FBXO41: variants seen among roughly 807,000 people sequenced by gnomAD.
FBXO41 encodes the protein F-box only protein 41.
Under a neutral mutation model 81.6 loss-of-function variants are expected in FBXO41, and 33 were observed. The ratio of observed to expected loss-of-function variants is 0.40; its 90% CI spans 0.31 to 0.54. The LOEUF (loss-of-function observed/expected upper bound fraction) is 0.54. Ranked by LOEUF, FBXO41 falls within the 20% of genes least tolerant of loss-of-function variation. FBXO41 has a pLI of 0.39. For missense variants in FBXO41, 1,107 were observed against 1,236.0 expected, an observed-to-expected ratio of 0.90 and a Z score of 1.56; for synonymous variants, 576 against 552.7, an observed-to-expected ratio of 1.04 and a Z score of -0.59.
Position 73,265,920 on chromosome 2 carries a change from G to A in FBXO41, c.1178C>T (p.Ser393Leu). 1 of 1,587,884 alleles carries A rather than the reference G, an allele frequency of 6.3e-7. No homozygotes were observed. Among genetic ancestry groups the A allele is most frequent in the South Asian group, 1.2e-5 (1 of 86,626 alleles). ...TGTGCTCGGAGAGGAGCCATGCCGT[G>A]ACACTGCATATGTGTTAGGCACGGC... ...GPAVPNTYAV[S>L]RHGSSPSTGA... is the part of the protein sequence containing the mutation. Residue 393 changes from serine to leucine, a missense_variant, in exon 4 of 13, where the codon TCA (serine) becomes TTA (leucine). This residue lies in a region of FBXO41 where 771 missense variants were observed against 789.2 expected (regional missense o/e 0.98). Coordinates refer to ENST00000520530, the MANE Select transcript of FBXO41 (RefSeq NM_001371389.2).
intron 5 of FBXO41, 72 bp downstream of exon 5, chr2:73,265,210 A>AG: frequency 7.2e-7 from 1 of 1,389,008 alleles, no homozygotes. Flanking sequence ...GGGAAAGGGG[A>AG]GGGGGGTGCA....
chr2:73,276,237 C>T (rs977363045), intron 1 of FBXO41, among the ~76,000 whole-genome samples: 7 of 151,084 alleles, frequency 4.6e-5, no homozygotes, highest in Non-Finnish European at 8.8e-5. Context: ...GGGTGAAACC[C>T]CCTCTCTACT....
Position 73,264,979 on chromosome 2 carries a change from C to T in FBXO41, c.1564+303G>A, listed in dbSNP as rs558966251. Among the ~76,000 whole-genome samples the T allele has an allele frequency of 3.9e-5, 6 of 152,244 alleles. No individual in the cohort carries two copies. The East Asian group carries it at 5.8e-4, about 15-fold the overall frequency. On this transcript the variant is annotated intron_variant, in intron 5 of 12. Transcript: ENST00000520530. ...TCTGTGAATACGGTGGGGGGCCTCT[C>T]CCCCACTGCACCAGGGGCTTCAGAG...
Position 73,265,496 on chromosome 2 carries a change from GC to G in FBXO41, c.1349del (p.Gly450AlafsTer66). On this transcript the variant is annotated frameshift_variant, in exon 5 of 13. Transcript: ENST00000520530. LOFTEE classifies it high-confidence loss of function. ...TGCGAGGGGGCTGGGACCGCTCTGAGCCCCCGTTGGCAGCCTGGGCCCGTGT... is the reference window on the plus strand; with the variant it reads ...TGCGAGGGGGCTGGGACCGCTCTGAGCCCCGTTGGCAGCCTGGGCCCGTGT... ...LGTRAQAANG[G>X]SERSQPPRSS... is the part of the protein sequence containing the mutation. The G allele has an allele frequency of 1.3e-6, 2 of 1,597,180 alleles. No homozygotes were observed.
At chr2:73,262,907 G>A (rs1266146656) in intron 9 of FBXO41, among the ~76,000 whole-genome samples, 7 of 152,080 alleles carry the variant, frequency 4.6e-5, no homozygotes, top group Non-Finnish European at 8.8e-5. Flanking sequence ...CACCACGCTC[G>A]GCTAATTTTG....
rs867806835 is a variant in FBXO41, at chr2:73,265,624, G to A, written c.1222C>T (p.Pro408Ser). 6.6e-7 allele frequency: 1 copy of A among 1,516,090 alleles called. No homozygotes were observed. The highest frequency in any genetic ancestry group is 2.3e-5 in the East Asian group (1 of 43,862). The allele number at this position is 1,516,090 out of a possible 1,614,324, so 93.9% of individuals were successfully genotyped here. A position where few individuals can be genotyped will look rare whatever the true frequency, so the allele number is the denominator to read the frequency against. Residue 408 changes from proline to serine, a missense_variant, in exon 5 of 13, where the codon CCA becomes TCA. This residue lies in a region of FBXO41 where 771 missense variants were observed against 789.2 expected (regional missense o/e 0.98). Transcript: ENST00000520530. ...SPSTGASSRV[P>S]AASQSSGCYD... is the part of the protein sequence containing the mutation. Reference sequence around the variant, plus strand: ...CAGCCTGAGCTCTGGGATGCGGCTGGCACACGGCTGGAGGCCCTGGGGCAG... The same window carrying A: ...CAGCCTGAGCTCTGGGATGCGGCTGACACACGGCTGGAGGCCCTGGGGCAG...
intron 1 of FBXO41, among the ~76,000 whole-genome samples, chr2:73,281,156 A>G (rs1330128448): frequency 2.0e-5 from 3 of 152,220 alleles, no homozygotes; most frequent in Non-Finnish European, 4.4e-5. Flanking sequence ...CACAAGGCCC[A>G]TGTTAGGCAC....
chr2:73,260,314 T>G lies in FBXO41; in HGVS notation c.2449+75A>C. On this transcript the variant is annotated intron_variant, in intron 11 of 12. Coordinates refer to ENST00000520530, the MANE Select transcript of FBXO41 (RefSeq NM_001371389.2). The surrounding 1 kb of genome is among the most constrained non-coding windows in gnomAD (Gnocchi z 5.0). ...GACTCTGATCCATCTGCCCCAGTGATAGTTAGGATACCTGCTGACAGGGCC... is the reference window on the plus strand; with the variant it reads ...GACTCTGATCCATCTGCCCCAGTGAGAGTTAGGATACCTGCTGACAGGGCC... 3.3e-6 allele frequency: 5 copies of G among 1,522,798 alleles called. No individual in the cohort carries two copies. Among genetic ancestry groups the G allele is most frequent in the Non-Finnish European group, 4.4e-6 (5 of 1,124,436 alleles). 94.3% of individuals were successfully genotyped at this position (1,522,798 alleles called of 1,614,324 possible).
At chr2:73,268,622 G>C in intron 2 of FBXO41, 104 bp downstream of exon 2, 1 of 1,157,916 alleles carries the variant, frequency 8.6e-7, no homozygotes, top group East Asian at 2.6e-5. Context: ...CTATTACAAA[G>C]CCATGGCCAC....
At chr2:73,261,493 AG>A (rs1450049817) in intron 9 of FBXO41, among the ~76,000 whole-genome samples, 1 of 152,190 alleles carries the variant, frequency 6.6e-6, no homozygotes, top group Non-Finnish European at 1.5e-5. Flanking sequence ...CCATTCAGCA[AG>A]TGGTTATCAA....
At position 73,263,981 on chromosome 2, in the gene FBXO41, G is replaced by T; in HGVS notation, c.1879C>A (p.Arg627=). Residue 627 remains arginine (R), a synonymous_variant, in exon 7 of 13, where the codon CGG becomes AGG. Coordinates refer to ENST00000520530, the MANE Select transcript of FBXO41 (RefSeq NM_001371389.2). ...TCCTCCTTGCTCTCCTTCTTTCCCCGCTGCCGGGGCTTCAAGTTCTGCAGC... is the reference window on the plus strand; with the variant it reads ...TCCTCCTTGCTCTCCTTCTTTCCCCTCTGCCGGGGCTTCAAGTTCTGCAGC... ...LTLQNLKPRQ[R]GKKESKEEYA... The T allele has an allele frequency of 6.2e-7, 1 of 1,605,686 alleles. No individual in the cohort carries two copies. The highest frequency in any genetic ancestry group is 1.7e-5 in the Admixed American group (1 of 58,686).
At position 73,258,933 on chromosome 2, in the gene FBXO41, G is replaced by C. The variant is rs1418041413; in HGVS notation, c.*49C>G. 1 of 1,525,340 alleles carries C rather than the reference G, an allele frequency of 6.6e-7. No homozygotes were observed. Among genetic ancestry groups the C allele is most frequent in the African/African-American group, 1.4e-5 (1 of 71,870 alleles). 94.5% of individuals were successfully genotyped at this position (1,525,340 alleles called of 1,614,324 possible). Reference sequence around the variant, plus strand: ...CCAGGGTCCCTCTGAGGTCCAAAGAGAGTGCCCTGGTGTGGGGCTGGCAGG... The same window carrying C: ...CCAGGGTCCCTCTGAGGTCCAAAGACAGTGCCCTGGTGTGGGGCTGGCAGG... On this transcript the variant is annotated 3_prime_UTR_variant, in exon 13 of 13. Coordinates refer to ENST00000520530, the MANE Select transcript of FBXO41 (RefSeq NM_001371389.2).
Position 73,268,805 on chromosome 2 carries a change from C to A in FBXO41, c.826G>T (p.Val276Leu). The A allele has an allele frequency of 6.3e-7, 1 of 1,581,398 alleles. No individual in the cohort carries two copies. The highest frequency in any genetic ancestry group is 8.6e-7 in the Non-Finnish European group (1 of 1,164,306). The change falls in exon 2 of 13, where the codon GTG becomes TTG. Residue 276 changes from valine (V) to leucine (L), a missense_variant. Val to Leu is a conservative substitution (Grantham distance 32). Around this residue, in one of 2 missense-constraint regions of FBXO41, gnomAD observed 771 missense variants for 789.2 expected, o/e 0.98. Transcript: ENST00000520530. ...GCCAGCAGCTCTACGCTCACGTCCA[C>A]CTGGCGGGAGAGCTCAGACGCGCGC... ...EERASELSRQ[V>L]DVSVELLASL... is the part of the protein sequence containing the mutation.
rs1484861534 is a variant in FBXO41 at position 73,255,330 on chromosome 2, C to G, written c.*3652G>C. 1.3e-5 allele frequency: 2 copies of G among 152,678 alleles called. No homozygotes were observed. The highest frequency in any genetic ancestry group is 2.9e-5 in the Non-Finnish European group (2 of 68,140). 9.5% of individuals were successfully genotyped at this position (152,678 alleles called of 1,614,324 possible). A position where few individuals can be genotyped will look rare whatever the true frequency, so the allele number is the denominator to read the frequency against. On this transcript the variant is annotated 3_prime_UTR_variant, in exon 13 of 13. Transcript: ENST00000520530. ...CTGGTATTCTGATCTTTACCCAATC[C>G]TAAACCTTATCCTCAGGCAAGGGCT...
intron 1 of FBXO41, among the ~76,000 whole-genome samples, chr2:73,270,610 G>A (rs1688463053): frequency 6.6e-6 from 1 of 152,022 alleles, no homozygotes; most frequent in Non-Finnish European, 1.5e-5. Flanking sequence ...CCTAGAAAAG[G>A]TGAGGTAGGC....
At chr2:73,262,315 G>A (rs1246090181) in intron 9 of FBXO41, among the ~76,000 whole-genome samples, 1 of 152,170 alleles carries the variant, frequency 6.6e-6, no homozygotes, top group African/African-American at 2.4e-5. Context: ...CAGGGGAGCA[G>A]TGACACACTC....
rs1011641875 is a variant in FBXO41 at position 73,265,874 on chromosome 2, G to T, written c.1205+19C>A. On this transcript the variant is annotated intron_variant, in intron 4 of 12. Coordinates refer to ENST00000520530, the MANE Select transcript of FBXO41 (RefSeq NM_001371389.2). ...GGGTGAGGGTGGGCTGCATGGGGTGGGCTGGGCCCAAGGCTTACCCTGTGC... is the reference window on the plus strand; with the variant it reads ...GGGTGAGGGTGGGCTGCATGGGGTGTGCTGGGCCCAAGGCTTACCCTGTGC... 3.2e-6 allele frequency: 5 copies of T among 1,573,426 alleles called. No homozygotes were observed. The highest frequency in any genetic ancestry group is 4.3e-6 in the Non-Finnish European group (5 of 1,158,794).
chr2:73,265,086 C>CA (rs1331237221), intron 5 of FBXO41, among the ~76,000 whole-genome samples, 196 bp downstream of exon 5: 3 of 152,322 alleles, frequency 2.0e-5, no homozygotes, highest in African/African-American at 7.2e-5. Flanking sequence ...CCAGATGTGG[C>CA]ATCCTTGTGC....
chr2:73,274,443 T>C (rs529388439), intron 1 of FBXO41, among the ~76,000 whole-genome samples: 3 of 152,378 alleles, frequency 2.0e-5, no homozygotes, highest in Admixed American at 6.5e-5. Flanking sequence ...AGTGTGTTGA[T>C]TGGCTTTTAC....
Sources: gnomAD v4.1 joint callset for allele counts (sites outside exome capture counted in the v4.1 genomes callset) on GRCh38, gnomAD v4.1.1 for gene constraint, gnomAD v4.1.1 regional missense constraint, Gnocchi (gnomAD v3.1) non-coding constraint, MANE v1.5 for transcripts, NCBI Gene and HGNC (gene_info 2026-07-23, HGNC 2026-07-21) for gene names.